APLF: variants seen among roughly 807,000 people sequenced by gnomAD.
APLF encodes the protein aprataxin and PNK-like factor.
A neutral mutation model predicts 55.6 loss-of-function variants in APLF; 61 were observed. That is an observed-to-expected ratio of 1.10 (90% CI 0.89 to 1.36). APLF has a LOEUF of 1.36. Among genes scored for constraint, APLF ranks in the 40% most tolerant of loss-of-function variants. The probability of loss-of-function intolerance (pLI) is 0.00; values close to 1 mark genes in which losing one functional copy is unlikely to be tolerated. For missense variants in APLF, 611 were observed against 602.5 expected (o/e 1.01, Z -0.15); for synonymous variants, 207 against 214.8 (o/e 0.96, Z 0.32).
At chr2:68,544,046 A>G (rs1479007840) in intron 7 of APLF, among the ~76,000 whole-genome samples, 2 of 149,956 alleles carry the variant, frequency 1.3e-5, no homozygotes, top group African/African-American at 5.0e-5. Flanking sequence ...CAGTGGCACA[A>G]TCTTGGCTCA....
At position 68,532,290 on chromosome 2, in the gene APLF, A is replaced by C. The variant is rs141383922; in HGVS notation, c.805-5582A>C. Among the ~76,000 whole-genome samples the C allele has an allele frequency of 2.1e-3, 313 of 152,342 alleles. 2 individuals are homozygous for C. Among genetic ancestry groups the C allele is most frequent in the African/African-American group, 7.0e-3 (290 of 41,590 alleles). On this transcript the variant is annotated intron_variant, in intron 6 of 9. Transcript: ENST00000303795. ...ACAGTTTGGCCAGGCCTACATTTGG[A>C]TCAATCTACTTGGAAAGAATTACAT...
intron 6 of APLF, among the ~76,000 whole-genome samples, chr2:68,532,886 A>C (rs1450118649): frequency 1.3e-5 from 2 of 152,176 alleles, no homozygotes; most frequent in African/African-American, 2.4e-5. Flanking sequence ...GAGGCTGTTT[A>C]GGTTATGAGG....
At chr2:68,512,212 C>G (rs1669403750) in intron 3 of APLF, among the ~76,000 whole-genome samples, 1 of 151,654 alleles carries the variant, frequency 6.6e-6, no homozygotes, top group South Asian at 2.1e-4. Context: ...TGTCCCTTCA[C>G]TCCACCCCCA....
chr2:68,565,514 GATACATACATACATAC>G (rs372500629), intron 8 of APLF, among the ~76,000 whole-genome samples: 26 of 148,922 alleles, frequency 1.7e-4, no homozygotes, highest in Non-Finnish European at 2.2e-4. Context: ...TAGACAGATA[GATACATACATACATAC>G]ATACATACAT....
intron 6 of APLF, 114 bp from the exon 7 acceptor site, chr2:68,537,758 T>C (rs1306567909): frequency 6.8e-6 from 5 of 730,606 alleles, no homozygotes; most frequent in Non-Finnish European, 1.1e-5. Flanking sequence ...AAAATGTGAA[T>C]CTTGAAGTTT....
intron 8 of APLF, among the ~76,000 whole-genome samples, chr2:68,548,186 G>A (rs1670757758): frequency 1.3e-5 from 2 of 151,690 alleles, no homozygotes; most frequent in Admixed American, 6.6e-5. Flanking sequence ...TGATCTCAGA[G>A]CAGGGATTAT....
chr2:68,555,480 C>G (rs1281362488), intron 8 of APLF, among the ~76,000 whole-genome samples: 2 of 151,872 alleles, frequency 1.3e-5, no homozygotes, highest in African/African-American at 2.4e-5. Context: ...ACAAGCAATC[C>G]AATCAAAAAG....
At chr2:68,487,485 A>G (rs538476395) in intron 1 of APLF, among the ~76,000 whole-genome samples, 1 of 152,146 alleles carries the variant, frequency 6.6e-6, no homozygotes, top group African/African-American at 2.4e-5. Flanking sequence ...AGTGAAGTAT[A>G]ATAATAGTAT....
chr2:68,484,887 T>C (rs558205016), intron 1 of APLF, among the ~76,000 whole-genome samples: 1 of 152,122 alleles, frequency 6.6e-6, no homozygotes, highest in African/African-American at 2.4e-5. Context: ...TCACAGTTGC[T>C]TTTGACTACA....
chr2:68,527,111 G>T (rs1478503317), intron 6 of APLF, among the ~76,000 whole-genome samples: 1 of 151,490 alleles, frequency 6.6e-6, no homozygotes, highest in Non-Finnish European at 1.5e-5. Flanking sequence ...GCTGGGCAGA[G>T]GCGCTCCTCC....
chr2:68,503,291 A>G (rs1156568291), intron 3 of APLF, among the ~76,000 whole-genome samples: 1 of 152,120 alleles, frequency 6.6e-6, no homozygotes, highest in African/African-American at 2.4e-5. Context: ...TCTGACTTAC[A>G]CTTGTCTAAC....
intron 6 of APLF, among the ~76,000 whole-genome samples, chr2:68,527,948 G>A (rs1298046101): frequency 3.3e-5 from 5 of 149,994 alleles, no homozygotes; most frequent in East Asian, 2.0e-4. Flanking sequence ...GGCAGGGCCC[G>A]GGCAGAGGCG....
At chr2:68,487,224 A>G (rs183502048) in intron 1 of APLF, among the ~76,000 whole-genome samples, 12 of 152,282 alleles carry the variant, frequency 7.9e-5, no homozygotes, top group Admixed American at 2.6e-4. Flanking sequence ...TTTGGTTATT[A>G]AATAGCCATT....
chr2:68,487,027 A>C (rs1676197359), intron 1 of APLF, among the ~76,000 whole-genome samples: 1 of 152,122 alleles, frequency 6.6e-6, no homozygotes. Context: ...GCAGACCAAC[A>C]TCAGTCATTT....
chr2:68,537,832 G>A (rs775993061), intron 6 of APLF, 40 bp from the exon 7 acceptor site: 12 of 1,406,632 alleles, frequency 8.5e-6, no homozygotes, highest in Non-Finnish European at 1.1e-5. Context: ...TTTTAAAAAT[G>A]TTTCATTTAT....
intron 5 of APLF, among the ~76,000 whole-genome samples, chr2:68,517,684 GTTA>G (rs976271658): frequency 2.8e-4 from 40 of 144,074 alleles, no homozygotes; most frequent in Non-Finnish European, 5.0e-4. Context: ...TCACTAATAT[GTTA>G]TTAACATGTA....
chr2:68,569,441 A>T (rs1671395002), intron 9 of APLF, among the ~76,000 whole-genome samples: 1 of 152,140 alleles, frequency 6.6e-6, no homozygotes, highest in African/African-American at 2.4e-5. Flanking sequence ...GATCAATCAA[A>T]GACATCAAGG....
chr2:68,548,353 G>A (rs1670764025), intron 8 of APLF, among the ~76,000 whole-genome samples: 1 of 151,756 alleles, frequency 6.6e-6, no homozygotes, highest in African/African-American at 2.4e-5. Flanking sequence ...CCACATAATT[G>A]ACAGTAGCAT....
intron 8 of APLF, among the ~76,000 whole-genome samples, chr2:68,550,834 G>A (rs1670839516): frequency 6.6e-6 from 1 of 151,752 alleles, no homozygotes. Flanking sequence ...TTAAACCATT[G>A]TTATTATATA....
Sources: allele counts gnomAD v4.1 joint callset (sites outside exome capture counted in the v4.1 genomes callset), GRCh38; gene constraint gnomAD v4.1.1; transcripts MANE v1.5; gene names NCBI Gene and HGNC (gene_info 2026-07-23, HGNC 2026-07-21).